Variants in ANO1 observed in about 807,000 individuals in gnomAD.
The protein encoded by ANO1 is anoctamin-1.
ANO1 carries 59 observed loss-of-function variants against 124.0 expected under a neutral mutation model. That is an observed-to-expected ratio of 0.48 (90% CI 0.39 to 0.59). The LOEUF is 0.59. Among genes scored for constraint, ANO1 ranks in the 20% least tolerant of loss-of-function variants. The pLI, the probability that ANO1 is intolerant of heterozygous loss-of-function variation, is 0.00. For missense variants in ANO1, 1,059 were observed against 1,328.0 expected (o/e 0.80, Z 3.15); for synonymous variants, 529 against 532.0 (o/e 0.99, Z 0.08).
chr11:70,006,652 CTTTCTTCTTTCTTTT>C (rs1305678852), intron 1 of ANO1, among the ~76,000 whole-genome samples: 39 of 111,892 alleles, frequency 3.5e-4, no homozygotes, highest in Admixed American at 1.0e-3. Context: ...TTCTTTCTTT[CTTTCTTCTTTCTTTT>C]TTTTTTTTTT....
chr11:70,000,886 G>A (rs531645706), intron 1 of ANO1, among the ~76,000 whole-genome samples: 7 of 150,740 alleles, frequency 4.6e-5, no homozygotes, highest in South Asian at 2.1e-4. Context: ...CAAATCACAC[G>A]TTGAACAAAA....
At chr11:70,181,706 C>T (rs1371684399) in intron 23 of ANO1, among the ~76,000 whole-genome samples, 3 of 151,892 alleles carry the variant, frequency 2.0e-5, no homozygotes, top group East Asian at 1.9e-4. Context: ...GCAGGAGGAT[C>T]GCTTGAGGCG....
chr11:70,044,782 T>A (rs1054243076), intron 1 of ANO1, among the ~76,000 whole-genome samples: 1 of 152,168 alleles, frequency 6.6e-6, no homozygotes, highest in African/African-American at 2.4e-5. Flanking sequence ...GCTGTTACGA[T>A]GATAAAGGCT....
rs116124477 is a variant in ANO1 at position 70,098,800 on chromosome 11, A to G, written c.442-4266A>G. 7.2e-3 allele frequency among the ~76,000 whole-genome samples: 1,104 copies of G among 152,296 alleles called. 9 individuals are homozygous for G. Among genetic ancestry groups the G allele is most frequent in the African/African-American group, 0.025 (1,042 of 41,556 alleles). Reference sequence around the variant, plus strand: ...GACTGAGGGTCTAGGCCCTCGGGCCACGGGGGCTGTAGCGGGGACCCTCAG... The same window carrying G: ...GACTGAGGGTCTAGGCCCTCGGGCCGCGGGGGCTGTAGCGGGGACCCTCAG... On this transcript the variant is annotated intron_variant, in intron 2 of 25. Coordinates refer to ENST00000355303, the MANE Select transcript of ANO1 (RefSeq NM_018043.7).
chr11:70,036,213 C>T (rs1204499971), intron 1 of ANO1, among the ~76,000 whole-genome samples: 1 of 152,142 alleles, frequency 6.6e-6, no homozygotes, highest in Non-Finnish European at 1.5e-5. Flanking sequence ...CCCGTACAGT[C>T]CCTGGTGACT....
At chr11:70,034,552 T>G (rs1016466598) in intron 1 of ANO1, among the ~76,000 whole-genome samples, 4 of 152,158 alleles carry the variant, frequency 2.6e-5, no homozygotes, top group Non-Finnish European at 5.9e-5. Flanking sequence ...GAGGAGCAAT[T>G]ATGCATTGAT....
intron 2 of ANO1, 30 bp from the exon 3 acceptor site, chr11:70,103,036 C>G (rs1332221561): frequency 6.5e-7 from 1 of 1,549,206 alleles, no homozygotes; most frequent in South Asian, 1.2e-5. Flanking sequence ...ACCGCCCCCC[C>G]TCAACCCAGA....
intron 8 of ANO1, among the ~76,000 whole-genome samples, chr11:70,116,857 T>C (rs976702561): frequency 6.6e-6 from 1 of 152,220 alleles, no homozygotes; most frequent in Non-Finnish European, 1.5e-5. Context: ...CTTGCTGGCA[T>C]GTGGCCTAAT....
chr11:70,181,577 C>A (rs1049827536), intron 23 of ANO1, among the ~76,000 whole-genome samples: 3 of 152,198 alleles, frequency 2.0e-5, no homozygotes, highest in African/African-American at 7.2e-5. Flanking sequence ...CAACAAGCGG[C>A]GCTGTGAGCA....
chr11:70,112,359 A>G (rs1309880072), intron 7 of ANO1, among the ~76,000 whole-genome samples: 1 of 152,114 alleles, frequency 6.6e-6, no homozygotes, highest in Non-Finnish European at 1.5e-5. Context: ...AAACTTTGCA[A>G]ATGTGCAAAG....
chr11:70,184,580 G>T (rs1283222191), intron 24 of ANO1, among the ~76,000 whole-genome samples: 1 of 152,226 alleles, frequency 6.6e-6, no homozygotes, highest in Non-Finnish European at 1.5e-5. Context: ...AGGAGGAAAA[G>T]CAGCCCCAGA....
intron 1 of ANO1, among the ~76,000 whole-genome samples, chr11:70,061,951 G>T (rs1857589680): frequency 6.6e-6 from 1 of 152,026 alleles, no homozygotes; most frequent in Non-Finnish European, 1.5e-5. Context: ...CTGCAAAATG[G>T]GTCTAATAAT....
intron 1 of ANO1, among the ~76,000 whole-genome samples, chr11:70,046,973 G>A (rs992897850): frequency 2.6e-5 from 4 of 151,760 alleles, no homozygotes; most frequent in African/African-American, 4.8e-5. Flanking sequence ...CCAGCTACTC[G>A]GGAGGCTGAG....
At chr11:70,163,585 C>A in intron 19 of ANO1, 2 of 605,796 alleles carry the variant, frequency 3.3e-6, no homozygotes. Context: ...AAGAAAAACA[C>A]AACATCTGGT....
chr11:70,108,345 T>C lies in ANO1; in HGVS notation c.748-8T>C, dbSNP rs2045640643. 2 of 1,608,860 alleles carry C rather than the reference T, an allele frequency of 1.2e-6. No homozygotes were observed. The highest frequency in any genetic ancestry group is 8.5e-7 in the Non-Finnish European group (1 of 1,176,012). On this transcript the variant is annotated splice_polypyrimidine_tract_variant and splice_region_variant and intron_variant, in intron 5 of 25. Transcript: ENST00000355303. ...AACTGCTCACCCCCCTTCTTGTCTC[T>C]GCAATAGGTCTATGAGATCTTGAAG...
chr11:70,049,508 T>G (rs571104504), intron 1 of ANO1, among the ~76,000 whole-genome samples: 1 of 152,340 alleles, frequency 6.6e-6, no homozygotes, highest in South Asian at 2.1e-4. Context: ...AGTTGGTTCA[T>G]TTATTCAGCA....
intron 1 of ANO1, among the ~76,000 whole-genome samples, chr11:70,051,634 T>C (rs1857351071): frequency 6.6e-6 from 1 of 152,252 alleles, no homozygotes; most frequent in Non-Finnish European, 1.5e-5. Flanking sequence ...TTTTACGCTG[T>C]GTCTTTTGAG....
intron 1 of ANO1, among the ~76,000 whole-genome samples, chr11:69,986,418 C>T (rs868915408): frequency 3.3e-5 from 5 of 151,952 alleles, no homozygotes; most frequent in Non-Finnish European, 5.9e-5. Context: ...GACAGAGCCC[C>T]GGGGCTGGGC....
rs572781653 is a variant in ANO1 at position 70,082,539 on chromosome 11, G to A, written c.108+3825G>A. Among the ~76,000 whole-genome samples the A allele has an allele frequency of 8.5e-5, 13 of 152,320 alleles. No individual in the cohort carries two copies. The East Asian group carries it at 2.1e-3, about 25-fold the overall frequency. The stretch of plus-strand genomic sequence containing the variant: ...CGCACCACTGCGCTCCAGCCTAGGC[G>A]ACAGAGCAAGAATTCGTCTCAAAAG... On this transcript the variant is annotated intron_variant, in intron 1 of 25. Coordinates refer to ENST00000355303, the MANE Select transcript of ANO1 (RefSeq NM_018043.7).
Sources: allele counts gnomAD v4.1 joint callset (sites outside exome capture counted in the v4.1 genomes callset), GRCh38; gene constraint gnomAD v4.1.1; transcripts MANE v1.5; gene names NCBI Gene and HGNC (gene_info 2026-07-23, HGNC 2026-07-21).